Variants in POU6F2 observed in about 807,000 individuals in gnomAD.
POU6F2 encodes POU domain, class 6, transcription factor 2.
In POU6F2, 31 loss-of-function variants were observed where a neutral mutation model predicts 71.3. That is an observed-to-expected ratio of 0.43 (90% CI 0.33 to 0.59). The LOEUF (loss-of-function observed/expected upper bound fraction) is 0.59, where lower values mean the gene tolerates loss of function less well. Ranked by LOEUF, POU6F2 falls within the 20% of genes least tolerant of loss-of-function variation. POU6F2 has a pLI of 0.04. For missense variants in POU6F2, 783 were observed against 856.8 expected (o/e 0.91, Z 1.07); for synonymous variants, 347 against 355.7 (o/e 0.98, Z 0.27).
intron 4 of POU6F2, among the ~76,000 whole-genome samples, chr7:39,309,072 C>T (rs973082014): frequency 2.6e-5 from 4 of 152,218 alleles, no homozygotes; most frequent in Non-Finnish European, 5.9e-5. Flanking sequence ...GTCACCCACC[C>T]TCCTGTTTGT....
chr7:39,391,109 CATT>C (rs1787067931), intron 5 of POU6F2, among the ~76,000 whole-genome samples: 1 of 152,166 alleles, frequency 6.6e-6, no homozygotes, highest in Non-Finnish European at 1.5e-5. Context: ...ATTCTTAAAA[CATT>C]ATGAACTTCC....
At chr7:39,189,416 G>A (rs968701676) in intron 2 of POU6F2, among the ~76,000 whole-genome samples, 1 of 152,108 alleles carries the variant, frequency 6.6e-6, no homozygotes, top group Admixed American at 6.6e-5. Flanking sequence ...GTCTCGCTCT[G>A]TCGCCAGGCC....
At chr7:39,168,595 TG>T (rs1294544610) in intron 2 of POU6F2, among the ~76,000 whole-genome samples, 1 of 152,184 alleles carries the variant, frequency 6.6e-6, no homozygotes, top group Non-Finnish European at 1.5e-5. Context: ...CCTGACGTAA[TG>T]GTTGTGACTG....
intron 4 of POU6F2, among the ~76,000 whole-genome samples, chr7:39,280,432 T>C (rs143294094): frequency 6.6e-6 from 1 of 152,308 alleles, no homozygotes; most frequent in Non-Finnish European, 1.5e-5. Flanking sequence ...TGCTAGAATC[T>C]TAAACTATGC....
chr7:39,378,929 T>C (rs1786766585), intron 5 of POU6F2, among the ~76,000 whole-genome samples: 1 of 152,178 alleles, frequency 6.6e-6, no homozygotes, highest in Non-Finnish European at 1.5e-5. Context: ...TTGTTTGAGA[T>C]TTTCCCTTGT....
rs1785873438 is a variant in POU6F2 at position 39,339,838 on chromosome 7, A to G, written c.795A>G (p.Pro265=). The change falls in exon 5 of 10, where the codon CCA becomes CCG. Residue 265 remains proline (P), a synonymous_variant. Coordinates refer to ENST00000518318, the MANE Select transcript of POU6F2 (RefSeq NM_001370959.1). ...QQPPPASQQP[P]APTSQLQQAP... is the part of the protein sequence containing the mutation. Reference sequence around the variant, plus strand: ...CACCACCCGCCTCTCAGCAGCCGCCAGCTCCTACATCTCAGCTGCAACAGG... The same window carrying G: ...CACCACCCGCCTCTCAGCAGCCGCCGGCTCCTACATCTCAGCTGCAACAGG... 2 of 1,573,336 alleles carry G rather than the reference A, an allele frequency of 1.3e-6. No homozygotes were observed. Among genetic ancestry groups the G allele is most frequent in the Non-Finnish European group, 1.7e-6 (2 of 1,160,202 alleles).
At chr7:38,979,052 G>A (rs979934550) in intron 1 of POU6F2, among the ~76,000 whole-genome samples, 2 of 152,130 alleles carry the variant, frequency 1.3e-5, no homozygotes, top group Non-Finnish European at 2.9e-5. Flanking sequence ...TGACTATGAT[G>A]GGGGTGGGGT....
intron 1 of POU6F2, among the ~76,000 whole-genome samples, chr7:38,987,442 T>C (rs1461810550): frequency 6.6e-6 from 1 of 152,154 alleles, no homozygotes; most frequent in African/African-American, 2.4e-5. Flanking sequence ...TAGATGTATG[T>C]TTCCAATGCA....
At chr7:39,020,468 G>A (rs1389421732) in intron 1 of POU6F2, among the ~76,000 whole-genome samples, 1 of 152,058 alleles carries the variant, frequency 6.6e-6, no homozygotes, top group Non-Finnish European at 1.5e-5. Flanking sequence ...GGGCTAAATG[G>A]TATTTCTTCT....
chr7:39,262,226 T>G (rs1784149577), intron 4 of POU6F2, among the ~76,000 whole-genome samples: 1 of 152,180 alleles, frequency 6.6e-6, no homozygotes, highest in African/African-American at 2.4e-5. Flanking sequence ...TTATGAGACC[T>G]TGGTGGGACA....
intron 4 of POU6F2, among the ~76,000 whole-genome samples, chr7:39,262,947 T>C (rs538779547): frequency 6.6e-6 from 1 of 152,328 alleles, no homozygotes; most frequent in East Asian, 1.9e-4. Flanking sequence ...TTTATTTGAC[T>C]GAAAACAGAC....
chr7:39,241,496 T>G (rs1487509555), intron 4 of POU6F2, among the ~76,000 whole-genome samples: 2 of 152,104 alleles, frequency 1.3e-5, no homozygotes, highest in Non-Finnish European at 2.9e-5. Flanking sequence ...GCACATGGCC[T>G]GAACTTGGAT....
At chr7:39,357,805 G>T (rs944479820) in intron 5 of POU6F2, among the ~76,000 whole-genome samples, 1 of 152,196 alleles carries the variant, frequency 6.6e-6, no homozygotes, top group Non-Finnish European at 1.5e-5. Context: ...AGGTGGCACG[G>T]AGGGGAAGGG....
intron 5 of POU6F2, among the ~76,000 whole-genome samples, chr7:39,390,731 A>G (rs1013461004): frequency 6.6e-6 from 1 of 152,206 alleles, no homozygotes; most frequent in Non-Finnish European, 1.5e-5. Flanking sequence ...TGTATAACAT[A>G]GAATATAAGT....
intron 2 of POU6F2, among the ~76,000 whole-genome samples, chr7:39,190,844 G>A (rs944855476): frequency 2.6e-5 from 4 of 151,642 alleles, no homozygotes; most frequent in African/African-American, 9.7e-5. Context: ...CACCATGTTG[G>A]TCAGGCTGGT....
rs1287649311 is a variant in POU6F2 at position 39,466,224 on chromosome 7, A to G, written c.*1538A>G. 1 of 152,252 alleles carries G rather than the reference A, an allele frequency of 6.6e-6. No individual in the cohort carries two copies. Among genetic ancestry groups the G allele is most frequent in the East Asian group, 1.9e-4 (1 of 5,204 alleles). The allele number at this position is 152,252 out of a possible 1,614,324, so 9.4% of individuals were successfully genotyped here. A position where few individuals can be genotyped will look rare whatever the true frequency, so the allele number is the denominator to read the frequency against. On this transcript the variant is annotated 3_prime_UTR_variant, in exon 10 of 10. Transcript: ENST00000518318. ...AGCTTTCACCAAAAGAAAAAAATATAGAAGGGGCTTATCTAACAATCAGAA... is the reference window on the plus strand; with the variant it reads ...AGCTTTCACCAAAAGAAAAAAATATGGAAGGGGCTTATCTAACAATCAGAA...
At chr7:39,010,145 T>C (rs1375130364) in intron 1 of POU6F2, among the ~76,000 whole-genome samples, 11 of 114,502 alleles carry the variant, frequency 9.6e-5, no homozygotes, top group South Asian at 4.0e-4. Flanking sequence ...TGTGAATCCA[T>C]CTGGTCCTGG....
rs572690400 is a variant in POU6F2 at position 39,108,213 on chromosome 7, G to C, written c.277+22182G>C. 1.8e-3 allele frequency among the ~76,000 whole-genome samples: 269 copies of C among 152,226 alleles called. 1 individual carries two copies. Among genetic ancestry groups the C allele is most frequent in the African/African-American group, 6.1e-3 (254 of 41,542 alleles). ...GAAGGGACTTGCATAGTCTTGGCAT[G>C]GAGTGTCTAGATGCAGTTGTTGGGA... On this transcript the variant is annotated intron_variant, in intron 2 of 9. Transcript: ENST00000518318.
chr7:39,272,076 ATAAATT>A (rs1365275897), intron 4 of POU6F2, among the ~76,000 whole-genome samples: 1 of 152,114 alleles, frequency 6.6e-6, no homozygotes, highest in African/African-American at 2.4e-5. Flanking sequence ...AGATTTGGAG[ATAAATT>A]TAAATATTAT....
Sources: gnomAD v4.1 joint callset for allele counts (sites outside exome capture counted in the v4.1 genomes callset) on GRCh38, gnomAD v4.1.1 for gene constraint, MANE v1.5 for transcripts, NCBI Gene and HGNC (gene_info 2026-07-23, HGNC 2026-07-21) for gene names.